Variants in PTPRK observed in about 807,000 individuals in gnomAD.
PTPRK encodes the protein receptor-type tyrosine-protein phosphatase kappa.
In PTPRK, 75 loss-of-function variants were observed where a neutral mutation model predicts 178.0. That is an observed-to-expected ratio of 0.42 (90% CI 0.35 to 0.51). The LOEUF (loss-of-function observed/expected upper bound fraction) is 0.51, where lower values mean the gene tolerates loss of function less well. PTPRK is among the 20% of genes least tolerant of loss of function. PTPRK has a pLI of 0.02. For missense variants in PTPRK, 1,441 were observed against 1,797.8 expected, an observed-to-expected ratio of 0.80 and a Z score of 3.59; for synonymous variants, 637 against 620.6, an observed-to-expected ratio of 1.03 and a Z score of -0.39.
intron 5 of PTPRK, among the ~76,000 whole-genome samples, chr6:128,223,471 C>G (rs1170584781): frequency 6.6e-6 from 1 of 151,718 alleles, no homozygotes; most frequent in Non-Finnish European, 1.5e-5. Flanking sequence ...AAGATATCAC[C>G]AAGCTGATAT....
At chr6:128,375,174 C>T (rs1456948763) in intron 2 of PTPRK, among the ~76,000 whole-genome samples, 1 of 150,666 alleles carries the variant, frequency 6.6e-6, no homozygotes, top group Non-Finnish European at 1.5e-5. Context: ...ACGGATTTAG[C>T]CCAAGTGCCT....
At chr6:128,220,672 T>TA (rs1314832829) in intron 5 of PTPRK, among the ~76,000 whole-genome samples, 1 of 152,158 alleles carries the variant, frequency 6.6e-6, no homozygotes, top group Non-Finnish European at 1.5e-5. Flanking sequence ...ACCACCAGTG[T>TA]ATGTGGGATC....
intron 5 of PTPRK, among the ~76,000 whole-genome samples, chr6:128,239,457 T>TA (rs1441637268): frequency 6.6e-6 from 1 of 152,218 alleles, no homozygotes; most frequent in East Asian, 1.9e-4. Flanking sequence ...AATCTGTTTA[T>TA]ATGCACCATT....
At chr6:128,321,802 T>C (rs1172148684) in intron 3 of PTPRK, 1 of 710,764 alleles carries the variant, frequency 1.4e-6, no homozygotes, top group African/African-American at 1.7e-5. Context: ...TTGAAGGTTT[T>C]GTGCCAATGT....
intron 13 of PTPRK, among the ~76,000 whole-genome samples, chr6:128,051,040 T>C (rs898355603): frequency 1.3e-5 from 2 of 152,228 alleles, no homozygotes; most frequent in African/African-American, 4.8e-5. Flanking sequence ...ATTTAATTTG[T>C]TTAAATGGAT....
chr6:128,478,185 T>C (rs770942955), intron 1 of PTPRK, among the ~76,000 whole-genome samples: 1 of 152,140 alleles, frequency 6.6e-6, no homozygotes, highest in Non-Finnish European at 1.5e-5. Flanking sequence ...TAAAAATTGA[T>C]GTGATTTTGC....
chr6:128,274,697 T>C (rs1400227899), intron 3 of PTPRK, among the ~76,000 whole-genome samples: 1 of 151,968 alleles, frequency 6.6e-6, no homozygotes, highest in Non-Finnish European at 1.5e-5. Context: ...TAGAAATGCC[T>C]CCAAAAAGTG....
At chr6:128,006,507 C>T (rs1235859431) in intron 14 of PTPRK, among the ~76,000 whole-genome samples, 4 of 150,626 alleles carry the variant, frequency 2.7e-5, no homozygotes, top group African/African-American at 9.7e-5. Flanking sequence ...CAGAATAACA[C>T]CTAAATTTCT....
intron 17 of PTPRK, among the ~76,000 whole-genome samples, chr6:127,996,585 C>T (rs1185139843): frequency 1.3e-5 from 2 of 152,148 alleles, no homozygotes; most frequent in Non-Finnish European, 2.9e-5. Context: ...AATTCTCTTT[C>T]CTTAGCATCC....
chr6:128,401,290 T>A (rs993814689), intron 1 of PTPRK, among the ~76,000 whole-genome samples: 4 of 152,182 alleles, frequency 2.6e-5, no homozygotes, highest in Non-Finnish European at 5.9e-5. Flanking sequence ...TACTAAGTAG[T>A]ATTAGACACC....
At chr6:128,074,326 G>T (rs926045588) in intron 11 of PTPRK, among the ~76,000 whole-genome samples, 10 of 151,940 alleles carry the variant, frequency 6.6e-5, no homozygotes, top group African/African-American at 2.4e-4. Context: ...TCACCACAGA[G>T]AAACTATTTT....
At chr6:128,196,740 G>A (rs1804921278) in intron 6 of PTPRK, among the ~76,000 whole-genome samples, 1 of 152,098 alleles carries the variant, frequency 6.6e-6, no homozygotes, top group African/African-American at 2.4e-5. Context: ...TAACAAGAGA[G>A]CTTCCTAGTC....
At chr6:128,261,648 C>T (rs1818199028) in intron 3 of PTPRK, among the ~76,000 whole-genome samples, 1 of 152,146 alleles carries the variant, frequency 6.6e-6, no homozygotes, top group African/African-American at 2.4e-5. Context: ...ACTAACCAGC[C>T]ACCTGCAGGC....
At chr6:128,353,042 C>A (rs1833406958) in intron 2 of PTPRK, among the ~76,000 whole-genome samples, 1 of 152,002 alleles carries the variant, frequency 6.6e-6, no homozygotes, top group Non-Finnish European at 1.5e-5. Context: ...GAACACTCAG[C>A]ACTTAAAAAA....
At chr6:128,005,898 G>T in intron 14 of PTPRK, 1 of 556,090 alleles carries the variant, frequency 1.8e-6, no homozygotes, top group Non-Finnish European at 3.0e-6. Context: ...AAAGTTTATA[G>T]TTTTAGAGTC....
chr6:128,294,652 T>C (rs1823965784), intron 3 of PTPRK, among the ~76,000 whole-genome samples: 1 of 152,084 alleles, frequency 6.6e-6, no homozygotes, highest in Non-Finnish European at 1.5e-5. Flanking sequence ...ACAGAGGGTA[T>C]ATCTGATAGT....
chr6:128,202,672 C>T (rs1322576916), intron 6 of PTPRK, among the ~76,000 whole-genome samples: 3 of 152,154 alleles, frequency 2.0e-5, no homozygotes, highest in Non-Finnish European at 2.9e-5. Flanking sequence ...GGGTGGTTGC[C>T]ATCTCTGTGG....
At chr6:128,209,862 G>C (rs1425084718) in intron 6 of PTPRK, among the ~76,000 whole-genome samples, 1 of 151,076 alleles carries the variant, frequency 6.6e-6, no homozygotes, top group Non-Finnish European at 1.5e-5. Flanking sequence ...GAGCAAAGGA[G>C]AGTCTTATGA....
At chr6:128,233,554 A>AAC (rs1376402011) in intron 5 of PTPRK, among the ~76,000 whole-genome samples, 66 of 152,284 alleles carry the variant, frequency 4.3e-4, no homozygotes, top group African/African-American at 1.5e-3. Flanking sequence ...AGTACTCTCA[A>AAC]GCCATTGCTT....
Sources: gnomAD v4.1 joint callset for allele counts (sites outside exome capture counted in the v4.1 genomes callset) on GRCh38, gnomAD v4.1.1 for gene constraint, MANE v1.5 for transcripts, NCBI Gene and HGNC (gene_info 2026-07-23, HGNC 2026-07-21) for gene names.